HHIPL2: variants seen among roughly 807,000 people sequenced by gnomAD.
HHIPL2 encodes the protein HHIP like 2.
Under a neutral mutation model 61.0 loss-of-function variants are expected in HHIPL2, and 61 were observed. The observed-to-expected ratio is 1.00, with a 90% confidence interval of 0.81 to 1.24. The LOEUF (loss-of-function observed/expected upper bound fraction) is 1.24, where lower values mean the gene tolerates loss of function less well. Ranked by LOEUF, HHIPL2 falls within the 50% of genes most tolerant of loss-of-function variation. The pLI, the probability that HHIPL2 is intolerant of heterozygous loss-of-function variation, is 0.00. For synonymous variants in HHIPL2, 343 were observed against 357.4 expected (o/e 0.96, Z 0.45); for missense variants, 885 against 910.2 (o/e 0.97, Z 0.36).
chr1:222,544,213 G>A, intron 1 of HHIPL2, 24 bp from the exon 2 acceptor site: 1 of 1,594,302 alleles, frequency 6.3e-7, no homozygotes, highest in Non-Finnish European at 8.5e-7. Context: ...CGGAGCTCAG[G>A]CTCAGCATCA....
intron 5 of HHIPL2, among the ~76,000 whole-genome samples, chr1:222,536,867 T>C (rs2102616755): frequency 6.6e-6 from 1 of 151,708 alleles, no homozygotes; most frequent in South Asian, 2.1e-4. Flanking sequence ...CTAGGCAACA[T>C]AGTAAGACTC....
chr1:222,543,760 G>C lies in HHIPL2; in HGVS notation c.751C>G (p.Leu251Val), dbSNP rs755619589. The change falls in exon 2 of 9, where the codon CTG (leucine) becomes GTG (valine). Residue 251 changes from leucine (L) to valine (V), a missense_variant. Physicochemically the swap from Leu to Val is conservative, Grantham distance 32. Transcript: ENST00000343410. ...VWVYLPDGSR[L>V]EQPFLDLKNI... ...TTGAGGTCCAGGAAGGGTTGCTCCAGGCGACTCCCATCAGGGAGGTAGACC... is the reference window on the plus strand; with the variant it reads ...TTGAGGTCCAGGAAGGGTTGCTCCACGCGACTCCCATCAGGGAGGTAGACC... 6.2e-7 allele frequency: 1 copy of C among 1,614,178 alleles called. No homozygotes were observed. Among genetic ancestry groups the C allele is most frequent in the South Asian group, 1.1e-5 (1 of 91,084 alleles).
intron 1 of HHIPL2, 49 bp downstream of exon 1, chr1:222,547,675 A>G (rs1202662870): frequency 1.3e-6 from 2 of 1,524,536 alleles, no homozygotes; most frequent in South Asian, 1.2e-5. Context: ...GACCCACACC[A>G]TGCAGCCCAG....
chr1:222,540,057 T>G lies in HHIPL2; in HGVS notation c.1403A>C (p.Glu468Ala). 6.2e-7 allele frequency: 1 copy of G among 1,614,222 alleles called. No homozygotes were observed. Among genetic ancestry groups the G allele is most frequent in the South Asian group, 1.1e-5 (1 of 91,086 alleles). Residue 468 changes from glutamate to alanine, a missense_variant, in exon 4 of 9, where the codon GAA becomes GCA. Coordinates refer to ENST00000343410, the MANE Select transcript of HHIPL2 (RefSeq NM_024746.4). ...TTTTTTGTCATAACATGCAAACCCT[T>G]CCTTTGCTCTCCAGCCATAGTTTCC... ...KGGNYGWRAK[E>A]GFACYDKKLC... is the part of the protein sequence containing the mutation.
rs71175168 is a variant in HHIPL2 at position 222,546,074 on chromosome 1, A to ATAAATAAATAAG, written c.321+1649_321+1650insCTTATTTATTTA. On this transcript the variant is annotated intron_variant, in intron 1 of 8. Transcript: ENST00000343410. ...AATAAATAAATAAATAAATAAATAAAAGTCCTATGTGACTCTCCTGTTGAG... is the reference window on the plus strand; with the variant it reads ...AATAAATAAATAAATAAATAAATAAATAAATAAATAAGAGTCCTATGTGACTCTCCTGTTGAG... Among the ~76,000 whole-genome samples, 194 of 151,960 alleles carry ATAAATAAATAAG rather than the reference A, an allele frequency of 1.3e-3. 1 individual carries two copies. The highest frequency in any genetic ancestry group is 4.4e-3 in the African/African-American group (183 of 41,458).
At chr1:222,546,993 C>T (rs532453896) in intron 1 of HHIPL2, among the ~76,000 whole-genome samples, 1 of 152,336 alleles carries the variant, frequency 6.6e-6, no homozygotes, top group Non-Finnish European at 1.5e-5. Context: ...ATCAGCTTTC[C>T]AAATGCTGAC....
At chr1:222,529,592 T>C (rs1245239996) in intron 6 of HHIPL2, among the ~76,000 whole-genome samples, 1 of 152,250 alleles carries the variant, frequency 6.6e-6, no homozygotes, top group Non-Finnish European at 1.5e-5. Context: ...ATCCAACTGA[T>C]ATTTTTAATA....
At chr1:222,535,867 T>C (rs1032575520) in intron 5 of HHIPL2, among the ~76,000 whole-genome samples, 37 of 152,226 alleles carry the variant, frequency 2.4e-4, no homozygotes, top group Non-Finnish European at 3.5e-4. Flanking sequence ...AATCTTCAGG[T>C]AATTGGAAAC....
At chr1:222,542,707 G>A (rs1464662408) in intron 2 of HHIPL2, among the ~76,000 whole-genome samples, 1 of 151,364 alleles carries the variant, frequency 6.6e-6, no homozygotes, top group Non-Finnish European at 1.5e-5. Flanking sequence ...ATTTTTGATA[G>A]AGACAGGGTT....
In HHIPL2 at chr1:222,547,736, G is replaced by A. The variant is rs541503008; in HGVS notation, c.309C>T (p.Asp103=). The A allele has an allele frequency of 1.2e-4, 187 of 1,611,316 alleles. 2 individuals carry two copies. The South Asian group carries it at 2.0e-3, about 17-fold the overall frequency. Residue 103 remains aspartate, a synonymous_variant, in exon 1 of 9, where the codon GAC becomes GAT. Transcript: ENST00000343410. ...CACTTTTCACTACCTGGCAAAGGAT[G>A]TCTTTAATGTAATCTCCACACAGCT... ...RHELCGDYIK[D]ILCQECSPYA... is the part of the protein sequence containing the mutation.
intron 5 of HHIPL2, among the ~76,000 whole-genome samples, chr1:222,538,272 C>T (rs928695393): frequency 2.1e-5 from 3 of 140,092 alleles, no homozygotes; most frequent in Admixed American, 7.4e-5. Context: ...TTCTTTTTGG[C>T]CTGGATGGCT....
intron 1 of HHIPL2, among the ~76,000 whole-genome samples, chr1:222,544,616 C>T (rs67953393): frequency 6.6e-6 from 1 of 152,174 alleles, no homozygotes; most frequent in Non-Finnish European, 1.5e-5. Flanking sequence ...CCTGCCTCTT[C>T]GATCTCCCAA....
chr1:222,544,900 T>A (rs1002909064), intron 1 of HHIPL2, among the ~76,000 whole-genome samples: 12 of 152,240 alleles, frequency 7.9e-5, no homozygotes, highest in African/African-American at 2.4e-4. Flanking sequence ...TTTCTTTAAT[T>A]ATTGATTTTA....
rs527943469 is a variant in HHIPL2 at position 222,524,720 on chromosome 1, C to T, written c.1806-1026G>A. 2.6e-5 allele frequency among the ~76,000 whole-genome samples: 4 copies of T among 152,322 alleles called. No individual in the cohort carries two copies. In the South Asian group the frequency reaches 8.3e-4, roughly 32 times the overall value. On this transcript the variant is annotated intron_variant, in intron 7 of 8. Coordinates refer to ENST00000343410, the MANE Select transcript of HHIPL2 (RefSeq NM_024746.4). ...AGGGAGAAAAGGATACATAAATTAA[C>T]CAGGTGCCCTCAAAATGCTGGGATT... is the stretch of plus-strand genomic sequence containing the variant.
chr1:222,523,164 C>T (rs74405919), intron 8 of HHIPL2, among the ~76,000 whole-genome samples: 1 of 152,076 alleles, frequency 6.6e-6, no homozygotes, highest in Non-Finnish European at 1.5e-5. Context: ...TAGGGGCCCT[C>T]TAAGTGCCCT....
chr1:222,525,418 C>T (rs2102608600), intron 7 of HHIPL2, among the ~76,000 whole-genome samples: 1 of 152,202 alleles, frequency 6.6e-6, no homozygotes, highest in East Asian at 1.9e-4. Context: ...GCTATCCACC[C>T]TCCACCATCC....
At position 222,544,021 on chromosome 1, in the gene HHIPL2, C is replaced by A; in HGVS notation, c.490G>T (p.Asp164Tyr). 1 of 1,612,704 alleles carries A rather than the reference C, an allele frequency of 6.2e-7. No individual in the cohort carries two copies. The highest frequency in any genetic ancestry group is 8.5e-7 in the Non-Finnish European group (1 of 1,180,032). Residue 164 changes from aspartate (D) to tyrosine (Y), a missense_variant, in exon 2 of 9, where the codon GAC becomes TAC. Transcript: ENST00000343410. ...DRGLQESHGR[D>Y]GTRFCHLLDL... ...AGGAGGTGGCAGAAGCGGGTACCGTCCCTTCCATGAGACTCCTGGAGGCCG... is the reference window on the plus strand; with the variant it reads ...AGGAGGTGGCAGAAGCGGGTACCGTACCTTCCATGAGACTCCTGGAGGCCG...
chr1:222,528,499 C>A (rs138901558), intron 6 of HHIPL2, among the ~76,000 whole-genome samples: 1 of 151,958 alleles, frequency 6.6e-6, no homozygotes, highest in African/African-American at 2.4e-5. Context: ...CCCAGCTATG[C>A]GGGAGGCTGA....
In HHIPL2 at chr1:222,522,627, T is replaced by C; in HGVS notation, c.2149A>G (p.Lys717Glu). 5 of 1,613,868 alleles carry C rather than the reference T, an allele frequency of 3.1e-6. No individual in the cohort carries two copies. The highest frequency in any genetic ancestry group is 4.2e-6 in the Non-Finnish European group (5 of 1,180,044). ...CAAGGGAGACTTCTGCCAGCTCGCT[T>C]CTGCTCTGCTGATGGCCTCATCCTG... ...SGRMRPSAEQ[K>E]RAGRSLP The change falls in exon 9 of 9, where the codon AAG becomes GAG. Residue 717 changes from lysine (K) to glutamate (E), a missense_variant. Lys to Glu is a moderately conservative substitution (Grantham distance 56). Coordinates refer to ENST00000343410, the MANE Select transcript of HHIPL2 (RefSeq NM_024746.4).
Sources: allele counts gnomAD v4.1 joint callset (sites outside exome capture counted in the v4.1 genomes callset), GRCh38; gene constraint gnomAD v4.1.1; transcripts MANE v1.5; gene names NCBI Gene and HGNC (gene_info 2026-07-23, HGNC 2026-07-21).